The following FTO variants were observed in gnomAD, a reference collection of about 807,000 sequenced individuals.
FTO encodes alpha-ketoglutarate-dependent dioxygenase FTO.
In FTO, 47 loss-of-function variants were observed where a neutral mutation model predicts 63.9. The ratio of observed to expected loss-of-function variants is 0.74; its 90% confidence interval spans 0.58 to 0.94. FTO has a LOEUF of 0.94. FTO is among the 40% of genes least tolerant of loss of function. FTO has a pLI of 0.00. For missense variants in FTO, 562 were observed against 618.1 expected (o/e 0.91, Z 0.96); for synonymous variants, 207 against 224.4 (o/e 0.92, Z 0.69).
At chr16:53,855,510 G>A (rs1172958627) in intron 4 of FTO, among the ~76,000 whole-genome samples, 1 of 151,366 alleles carries the variant, frequency 6.6e-6, no homozygotes, top group Non-Finnish European at 1.5e-5. Context: ...AGTATTTGTT[G>A]AACTAATAAG....
At chr16:53,845,618 A>G (rs73617811) in intron 4 of FTO, among the ~76,000 whole-genome samples, 9,499 of 152,336 alleles carry the variant, frequency 0.062, 381 homozygotes, top group African/African-American at 0.11. Context: ...GGAATCCAGT[A>G]TCACTAGGTA....
At chr16:53,929,132 A>G (rs534528216) in intron 7 of FTO, among the ~76,000 whole-genome samples, 56 of 152,214 alleles carry the variant, frequency 3.7e-4, no homozygotes, top group Non-Finnish European at 7.1e-4. Context: ...CATGAGCCAC[A>G]TGTCCTATGA....
At chr16:53,842,355 C>T (rs2079501336) in intron 3 of FTO, among the ~76,000 whole-genome samples, 1 of 152,308 alleles carries the variant, frequency 6.6e-6, no homozygotes, top group South Asian at 2.1e-4. Context: ...ACTGACATAT[C>T]CCACATGCCT....
chr16:54,008,118 G>A (rs191330138), intron 8 of FTO, among the ~76,000 whole-genome samples: 30 of 152,248 alleles, frequency 2.0e-4, no homozygotes, highest in Admixed American at 1.1e-3. Flanking sequence ...GAAACACCTA[G>A]CACTTAATAG....
intron 2 of FTO, among the ~76,000 whole-genome samples, chr16:53,821,848 C>G (rs1264750131): frequency 6.6e-6 from 1 of 152,192 alleles, no homozygotes; most frequent in Non-Finnish European, 1.5e-5. Context: ...TCAGTGGCTC[C>G]ACACAATAAT....
At position 54,083,967 on chromosome 16, in the gene FTO, C is replaced by T. The variant is rs142699622; in HGVS notation, c.1365-27795C>T. Among the ~76,000 whole-genome samples the T allele has an allele frequency of 8.2e-4, 125 of 152,212 alleles. 3 individuals are homozygous for T. The East Asian group carries it at 0.017, about 21-fold the overall frequency. ...CATCCCTAATCCAAAATCTGAAATC[C>T]GAAATGCTCCAAAATCCAAAACTTT... On this transcript the variant is annotated intron_variant, in intron 8 of 8. Coordinates refer to ENST00000471389, the MANE Select transcript of FTO (RefSeq NM_001080432.3).
In FTO at chr16:54,036,608, CAGAA is replaced by C. The variant is rs543900694; in HGVS notation, c.1365-75152_1365-75149del. The stretch of plus-strand genomic sequence containing the variant: ...TAAAACAGAAGTTAAACTCTAGGGT[CAGAA>C]ATAGTTAACAAAGAGAGCCTTTGTG... On this transcript the variant is annotated intron_variant, in intron 8 of 8. Transcript: ENST00000471389. Among the ~76,000 whole-genome samples, 171 of 152,296 alleles carry C rather than the reference CAGAA, an allele frequency of 1.1e-3. 1 individual carries two copies. Among genetic ancestry groups the C allele is most frequent in the African/African-American group, 3.6e-3 (150 of 41,552 alleles).
chr16:53,939,291 A>C (rs2082468158), intron 8 of FTO, among the ~76,000 whole-genome samples: 1 of 152,204 alleles, frequency 6.6e-6, no homozygotes, highest in Admixed American at 6.5e-5. Flanking sequence ...GTAGAGGATA[A>C]TTCAGGGAGA....
chr16:53,749,730 C>A (rs534039128), intron 1 of FTO, among the ~76,000 whole-genome samples: 4 of 152,302 alleles, frequency 2.6e-5, no homozygotes, highest in African/African-American at 9.6e-5. Flanking sequence ...TGAGCCACTG[C>A]GCCCGGCCAA....
chr16:53,741,094 A>C (rs2076518482), intron 1 of FTO, among the ~76,000 whole-genome samples: 1 of 152,226 alleles, frequency 6.6e-6, no homozygotes, highest in Non-Finnish European at 1.5e-5. Context: ...TGAAATTTAA[A>C]ATTGTTTCCC....
chr16:53,923,080 A>T (rs550553823), intron 7 of FTO: 1 of 152,238 alleles, frequency 6.6e-6, no homozygotes, highest in Non-Finnish European at 1.5e-5. Context: ...GGCTGCTTGG[A>T]AAACAGAGGG....
intron 2 of FTO, among the ~76,000 whole-genome samples, chr16:53,812,433 G>C (rs1212843750): frequency 6.6e-6 from 1 of 152,056 alleles, no homozygotes; most frequent in African/African-American, 2.4e-5. Context: ...ATGTTGGCCA[G>C]GCTGGTCTCG....
intron 8 of FTO, among the ~76,000 whole-genome samples, chr16:54,041,253 C>G (rs1414016444): frequency 3.3e-5 from 5 of 152,048 alleles, no homozygotes; most frequent in African/African-American, 2.4e-5. Flanking sequence ...GAAGGGAAAG[C>G]AAGACGGCAG....
At chr16:53,865,713 GCTT>G (rs2080293802) in intron 4 of FTO, among the ~76,000 whole-genome samples, 1 of 152,130 alleles carries the variant, frequency 6.6e-6, no homozygotes, top group African/African-American at 2.4e-5. Flanking sequence ...TACTGCAACA[GCTT>G]CCTGACTGGC....
At chr16:53,861,484 C>T (rs998956336) in intron 4 of FTO, among the ~76,000 whole-genome samples, 1 of 152,028 alleles carries the variant, frequency 6.6e-6, no homozygotes, top group African/African-American at 2.4e-5. Flanking sequence ...ATTGGCTGAT[C>T]GTATTTTGCT....
At chr16:53,922,156 AT>A (rs1474505751) in intron 7 of FTO, among the ~76,000 whole-genome samples, 1 of 152,188 alleles carries the variant, frequency 6.6e-6, no homozygotes, top group African/African-American at 2.4e-5. Context: ...TTGTGTCTTC[AT>A]TCCCATATCA....
intron 1 of FTO, among the ~76,000 whole-genome samples, chr16:53,754,964 A>T (rs2076885248): frequency 1.3e-5 from 2 of 152,196 alleles, no homozygotes; most frequent in Non-Finnish European, 2.9e-5. Flanking sequence ...GTGCTAGGAC[A>T]ACTGTACAAA....
At chr16:53,878,302 CAA>C (rs958197969) in intron 5 of FTO, among the ~76,000 whole-genome samples, 1 of 141,918 alleles carries the variant, frequency 7.0e-6, no homozygotes, top group Non-Finnish European at 1.5e-5. Flanking sequence ...GACCCCGTCT[CAA>C]AAAAAAAAAG....
chr16:53,918,243 A>G (rs7205370), intron 7 of FTO, among the ~76,000 whole-genome samples: 29,720 of 152,074 alleles, frequency 0.2, 4,115 homozygotes, highest in African/African-American at 0.39. Context: ...TGTGAACATC[A>G]TAGAGTGTAC....
Sources: gnomAD v4.1 joint callset for allele counts (sites outside exome capture counted in the v4.1 genomes callset) on GRCh38, gnomAD v4.1.1 for gene constraint, MANE v1.5 for transcripts, NCBI Gene and HGNC (gene_info 2026-07-23, HGNC 2026-07-21) for gene names.